Variants in RABGAP1L observed in about 807,000 individuals in gnomAD.
The protein encoded by RABGAP1L is RAB GTPase activating protein 1 like.
Under a neutral mutation model 137.7 loss-of-function variants are expected in RABGAP1L, and 63 were observed. The observed-to-expected ratio is 0.46, with a 90% CI of 0.37 to 0.56. The LOEUF is 0.56. RABGAP1L is among the 20% of genes least tolerant of loss of function. The pLI is 0.00. For synonymous variants in RABGAP1L, 431 were observed against 433.7 expected (o/e 0.99, Z 0.08); for missense variants, 1,095 against 1,244.0 (o/e 0.88, Z 1.80).
chr1:174,225,638 A>G (rs1387169243), intron 3 of RABGAP1L, among the ~76,000 whole-genome samples: 1 of 151,838 alleles, frequency 6.6e-6, no homozygotes, highest in Non-Finnish European at 1.5e-5. Context: ...ATGCATACAC[A>G]GTTTGCTAGT....
rs183792453 is a variant in RABGAP1L, at chr1:174,773,428, C to T, written c.2211+21074C>T. 8.7e-4 allele frequency among the ~76,000 whole-genome samples: 132 copies of T among 152,198 alleles called. 1 individual carries two copies. Among genetic ancestry groups the T allele is most frequent in the African/African-American group, 3.0e-3 (126 of 41,530 alleles). The stretch of plus-strand genomic sequence containing the variant: ...TCACTAAAAATTCCATGCCTTTTTA[C>T]GTTATACAGCAGGAGACCCTTAAAT... On this transcript the variant is annotated intron_variant, in intron 18 of 25. Coordinates refer to ENST00000681986, the MANE Select transcript of RABGAP1L (RefSeq NM_001366446.1).
At chr1:174,656,442 A>T (rs989587968) in intron 14 of RABGAP1L, among the ~76,000 whole-genome samples, 13 of 152,224 alleles carry the variant, frequency 8.5e-5, no homozygotes, top group Non-Finnish European at 1.8e-4. Context: ...TGGGCAACAG[A>T]GTGAGACTCC....
At position 174,412,652 on chromosome 1, in the gene RABGAP1L, T is replaced by C. The variant is rs189287233; in HGVS notation, c.1710+18507T>C. Among the ~76,000 whole-genome samples, 192 of 152,256 alleles carry C rather than the reference T, an allele frequency of 1.3e-3. 1 individual carries two copies. The highest frequency in any genetic ancestry group is 2.2e-3 in the Non-Finnish European group (152 of 68,018). On this transcript the variant is annotated intron_variant, in intron 13 of 25. Transcript: ENST00000681986. Reference sequence around the variant, plus strand: ...TCTTAAGGATCCCTTGTAAAACTGGTTTAGTGGTAATGAATTCCCTTAGCA... The same window carrying C: ...TCTTAAGGATCCCTTGTAAAACTGGCTTAGTGGTAATGAATTCCCTTAGCA...
At chr1:174,170,127 T>C (rs923936170) in intron 1 of RABGAP1L, among the ~76,000 whole-genome samples, 1 of 152,208 alleles carries the variant, frequency 6.6e-6, no homozygotes, top group Non-Finnish European at 1.5e-5. Flanking sequence ...ACAGTGTAGA[T>C]AGAACATAGA....
At chr1:174,666,170 A>C (rs1676771505) in intron 14 of RABGAP1L, among the ~76,000 whole-genome samples, 1 of 152,138 alleles carries the variant, frequency 6.6e-6, no homozygotes, top group Non-Finnish European at 1.5e-5. Flanking sequence ...CATATTTTTT[A>C]CTTGGTTGTT....
chr1:174,735,776 A>AAGAG (rs1041777610), intron 17 of RABGAP1L, among the ~76,000 whole-genome samples: 13 of 152,116 alleles, frequency 8.5e-5, no homozygotes, highest in African/African-American at 3.1e-4. Flanking sequence ...GTGGAAGGTG[A>AAGAG]AGAGGAGCAG....
In RABGAP1L at chr1:174,470,631, G is replaced by A. The variant is rs561909199; in HGVS notation, c.1710+76486G>A. Among the ~76,000 whole-genome samples, 3 of 152,240 alleles carry A rather than the reference G, an allele frequency of 2.0e-5. No homozygotes were observed. In the East Asian group the frequency reaches 5.8e-4, roughly 29 times the overall value. ...AAAGTACAAAAATTAGCTGGATGTA[G>A]TGGTGGATGCCTGTAGTCCCAGCTA... On this transcript the variant is annotated intron_variant, in intron 13 of 25. Coordinates refer to ENST00000681986, the MANE Select transcript of RABGAP1L (RefSeq NM_001366446.1).
At chr1:174,561,509 T>C (rs927127327) in intron 13 of RABGAP1L, among the ~76,000 whole-genome samples, 14 of 152,138 alleles carry the variant, frequency 9.2e-5, no homozygotes, top group Admixed American at 2.0e-4. Flanking sequence ...AAAAAATTAC[T>C]TTAAACTTCA....
chr1:174,856,410 A>G (rs1378277247), intron 19 of RABGAP1L, among the ~76,000 whole-genome samples: 6 of 149,732 alleles, frequency 4.0e-5, no homozygotes, highest in South Asian at 4.2e-4. Context: ...AAAAAAAAAA[A>G]AAAGAAAAGA....
At chr1:174,359,787 C>T (rs889566771) in intron 11 of RABGAP1L, among the ~76,000 whole-genome samples, 2 of 152,196 alleles carry the variant, frequency 1.3e-5, no homozygotes, top group African/African-American at 4.8e-5. Flanking sequence ...CTCTCTGCCT[C>T]AATTTTCTCA....
At chr1:174,975,904 C>G in intron 21 of RABGAP1L, 174 bp from the exon 22 acceptor site, 1 of 579,776 alleles carries the variant, frequency 1.7e-6, no homozygotes, top group Non-Finnish European at 3.1e-6. Flanking sequence ...CTAGATGGCA[C>G]ATAGTTGGCA....
intron 13 of RABGAP1L, among the ~76,000 whole-genome samples, chr1:174,542,833 G>GC (rs1292871407): frequency 6.6e-6 from 1 of 152,110 alleles, no homozygotes; most frequent in Non-Finnish European, 1.5e-5. Flanking sequence ...CTTTATTTCT[G>GC]CCTTCATTTC....
chr1:174,761,104 C>T lies in RABGAP1L; in HGVS notation c.2211+8750C>T, dbSNP rs946274868. On this transcript the variant is annotated intron_variant, in intron 18 of 25. Transcript: ENST00000681986. This position sits in a 1 kb window ranked among gnomAD's most constrained non-coding sequence, Gnocchi z 4.0. Reference sequence around the variant, plus strand: ...GAGGTTTAATGGACTTACAGTTCCACGTGGCTGGGCCAGGCCTCACAATCA... The same window carrying T: ...GAGGTTTAATGGACTTACAGTTCCATGTGGCTGGGCCAGGCCTCACAATCA... 2.6e-5 allele frequency among the ~76,000 whole-genome samples: 4 copies of T among 152,178 alleles called. No homozygotes were observed. Among genetic ancestry groups the T allele is most frequent in the Non-Finnish European group, 5.9e-5 (4 of 68,040 alleles).
chr1:174,553,188 T>C (rs2147992999), intron 13 of RABGAP1L, among the ~76,000 whole-genome samples: 1 of 152,352 alleles, frequency 6.6e-6, no homozygotes, highest in African/African-American at 2.4e-5. Flanking sequence ...GTCTATTTAA[T>C]CTGCTGATAG....
intron 19 of RABGAP1L, among the ~76,000 whole-genome samples, chr1:174,841,231 TA>T (rs1199466630): frequency 6.6e-6 from 1 of 152,096 alleles, no homozygotes; most frequent in Non-Finnish European, 1.5e-5. Flanking sequence ...AAATAGACCA[TA>T]AAGAAAATTT....
At chr1:174,574,387 C>A (rs745558732) in intron 13 of RABGAP1L, among the ~76,000 whole-genome samples, 1 of 151,858 alleles carries the variant, frequency 6.6e-6, no homozygotes, top group Non-Finnish European at 1.5e-5. Context: ...TTTTTTTAAT[C>A]GATTTACGTC....
intron 19 of RABGAP1L, among the ~76,000 whole-genome samples, chr1:174,945,060 G>A (rs1479691308): frequency 6.6e-6 from 1 of 152,166 alleles, no homozygotes; most frequent in Admixed American, 6.5e-5. Flanking sequence ...AGAGAACAGT[G>A]TCCTACTTGG....
intron 19 of RABGAP1L, among the ~76,000 whole-genome samples, chr1:174,842,471 TC>T (rs1693522897): frequency 6.6e-6 from 1 of 152,206 alleles, no homozygotes; most frequent in Non-Finnish European, 1.5e-5. Context: ...AGCCTGTTTC[TC>T]CACTGCATAA....
In RABGAP1L at chr1:174,781,140, G is replaced by A. The variant is rs1042383263; in HGVS notation, c.2211+28786G>A. ...TCTAGTTCTAGATCCCTGAGGAATCGCCACACTGACTTCCACAATGGTTGA... is the reference window on the plus strand; with the variant it reads ...TCTAGTTCTAGATCCCTGAGGAATCACCACACTGACTTCCACAATGGTTGA... On this transcript the variant is annotated intron_variant, in intron 18 of 25. Coordinates refer to ENST00000681986, the MANE Select transcript of RABGAP1L (RefSeq NM_001366446.1). Among the ~76,000 whole-genome samples the A allele has an allele frequency of 5.9e-4, 89 of 152,108 alleles. 1 individual carries two copies. The highest frequency in any genetic ancestry group is 8.5e-4 in the Admixed American group (13 of 15,268).
Sources: gnomAD v4.1 joint callset for allele counts (sites outside exome capture counted in the v4.1 genomes callset) on GRCh38, gnomAD v4.1.1 for gene constraint, Gnocchi (gnomAD v3.1) non-coding constraint, MANE v1.5 for transcripts, NCBI Gene and HGNC (gene_info 2026-07-23, HGNC 2026-07-21) for gene names.